Variants in ARID2 observed in about 807,000 individuals in gnomAD.
The protein encoded by ARID2 is AT-rich interactive domain-containing protein 2.
A neutral mutation model predicts 184.6 loss-of-function variants in ARID2; 32 were observed. The observed-to-expected ratio is 0.17, with a 90% CI of 0.13 to 0.23. The LOEUF (loss-of-function observed/expected upper bound fraction) is 0.23. Ranked by LOEUF, ARID2 falls within the 10% of genes least tolerant of loss-of-function variation. The pLI, the probability that ARID2 is intolerant of heterozygous loss-of-function variation, is 1.00. For synonymous variants in ARID2, 836 were observed against 772.6 expected (o/e 1.08, Z -1.36); for missense variants, 1,696 against 2,197.6 (o/e 0.77, Z 4.56).
intron 8 of ARID2, 98 bp from the exon 9 acceptor site, chr12:45,837,223 A>C (rs1266375232): frequency 1.7e-6 from 2 of 1,196,572 alleles, no homozygotes; most frequent in South Asian, 1.6e-5. Flanking sequence ...TTTTAACGTT[A>C]TGCAACATTG....
intron 3 of ARID2, among the ~76,000 whole-genome samples, chr12:45,782,804 A>G (rs1942121174): frequency 6.6e-6 from 1 of 151,998 alleles, no homozygotes; most frequent in Non-Finnish European, 1.5e-5. Context: ...CCTCAGGGAA[A>G]AAAACTTAAG....
intron 3 of ARID2, among the ~76,000 whole-genome samples, chr12:45,783,710 G>A (rs771695124): frequency 2.0e-5 from 3 of 152,184 alleles, no homozygotes; most frequent in East Asian, 3.8e-4. Flanking sequence ...GCGCAGTTTC[G>A]CTGGCTTGCC....
chr12:45,831,072 A>G (rs985351158), intron 6 of ARID2, among the ~76,000 whole-genome samples: 5 of 151,930 alleles, frequency 3.3e-5, no homozygotes, highest in African/African-American at 9.7e-5. Context: ...TTAGAAGAAA[A>G]CACAAATATA....
intron 3 of ARID2, among the ~76,000 whole-genome samples, chr12:45,810,123 G>A (rs1479145409): frequency 1.3e-5 from 2 of 152,188 alleles, no homozygotes; most frequent in African/African-American, 2.4e-5. Context: ...TTTGGTAAAT[G>A]TAAGTCATTA....
Position 45,906,077 on chromosome 12 carries a change from C to T in ARID2, c.*999C>T, listed in dbSNP as rs1592152145. ...GAAGGTATTTTTTGGTTTTCCTTAA[C>T]ATGTATCCACTGTAAACGTTTGTCG... is the stretch of plus-strand genomic sequence containing the variant. On this transcript the variant is annotated 3_prime_UTR_variant, in exon 21 of 21. Coordinates refer to ENST00000334344, the MANE Select transcript of ARID2 (RefSeq NM_152641.4). The T allele has an allele frequency of 8.7e-6, 2 of 229,662 alleles. No homozygotes were observed. The highest frequency in any genetic ancestry group is 1.7e-5 in the Non-Finnish European group (2 of 116,248). 14.2% of individuals were successfully genotyped at this position (229,662 alleles called of 1,614,324 possible). A position where few individuals can be genotyped will look rare whatever the true frequency, so the allele number is the denominator to read the frequency against.
intron 16 of ARID2, among the ~76,000 whole-genome samples, chr12:45,866,870 A>T (rs985044488): frequency 6.6e-6 from 1 of 152,034 alleles, no homozygotes; most frequent in Admixed American, 6.5e-5. Flanking sequence ...TTACATTAAG[A>T]TTTGCTCTTG....
At chr12:45,888,573 A>C (rs1160276570) in intron 16 of ARID2, among the ~76,000 whole-genome samples, 1 of 152,210 alleles carries the variant, frequency 6.6e-6, no homozygotes, top group Non-Finnish European at 1.5e-5. Context: ...AGACGTTACC[A>C]GTACCTCCAC....
In ARID2 at chr12:45,808,038, A is replaced by G. The variant is rs78152149; in HGVS notation, c.285-3380A>G. ...TATGTAATGTACTAGGCAGATTACT[A>G]TAGGAGCTCAGCAAATATTTGTTTG... is the stretch of plus-strand genomic sequence containing the variant. On this transcript the variant is annotated intron_variant, in intron 3 of 20. Transcript: ENST00000334344. 6.0e-3 allele frequency among the ~76,000 whole-genome samples: 921 copies of G among 152,318 alleles called. 16 individuals are homozygous for G. The highest frequency in any genetic ancestry group is 0.021 in the African/African-American group (858 of 41,572).
chr12:45,869,137 A>G (rs545325544), intron 16 of ARID2, among the ~76,000 whole-genome samples: 6 of 151,960 alleles, frequency 3.9e-5, no homozygotes, highest in African/African-American at 1.4e-4. Context: ...CGCCTGCCTC[A>G]GCCTGAGTAG....
At position 45,860,842 on chromosome 12, in the gene ARID2, C is replaced by A; in HGVS notation, c.4815C>A (p.Gly1605=). 6.2e-7 allele frequency: 1 copy of A among 1,607,128 alleles called. No individual in the cohort carries two copies. Among genetic ancestry groups the A allele is most frequent in the South Asian group, 1.1e-5 (1 of 89,606 alleles). ...CTTCACCAGCTGTACAAGTGCAGGG[C>A]CAGCCTAACAGTTCTCAGCCTTCTC... The part of the protein sequence containing the change: ...MPPSPAVQVQ[G]QPNSSQPSPF... The change falls in exon 16 of 21, where the codon GGC becomes GGA. Residue 1605 remains glycine (G), a synonymous_variant. Transcript: ENST00000334344.
At chr12:45,840,009 C>G (rs560335170) in intron 11 of ARID2, 1 of 152,948 alleles carries the variant, frequency 6.5e-6, no homozygotes, top group South Asian at 2.1e-4. Flanking sequence ...ATTTATGCAC[C>G]TTTCCTAGTG....
At chr12:45,793,908 C>T (rs1238362612) in intron 3 of ARID2, among the ~76,000 whole-genome samples, 1 of 150,312 alleles carries the variant, frequency 6.7e-6, no homozygotes, top group Non-Finnish European at 1.5e-5. Context: ...TCTTCTTTTT[C>T]CTCTGACTAC....
chr12:45,866,928 TTTGTTGTTGTTGTTG>T (rs369872664), intron 16 of ARID2, among the ~76,000 whole-genome samples: 167 of 150,162 alleles, frequency 1.1e-3, no homozygotes, highest in African/African-American at 3.9e-3. Context: ...TTTTGTGAAG[TTTGTTGTTGTTGTTG>T]TTGTTGTTGT....
intron 3 of ARID2, among the ~76,000 whole-genome samples, chr12:45,797,964 T>G (rs1942421035): frequency 6.6e-6 from 1 of 152,096 alleles, no homozygotes; most frequent in African/African-American, 2.4e-5. Context: ...GGAAAGTCTC[T>G]ACTATGAGGC....
chr12:45,795,731 T>C (rs963021110), intron 3 of ARID2, among the ~76,000 whole-genome samples: 2 of 152,174 alleles, frequency 1.3e-5, no homozygotes, highest in East Asian at 1.9e-4. Flanking sequence ...CCCCCGCGCC[T>C]GGCCTCTCTG....
intron 3 of ARID2, among the ~76,000 whole-genome samples, chr12:45,734,573 C>CA (rs58142463): frequency 0.03 from 3,371 of 112,346 alleles, 25 homozygotes; most frequent in Middle Eastern, 0.047. Context: ...TATTAAAGTG[C>CA]AAAAAAAAAA....
At chr12:45,801,050 C>A (rs189414740) in intron 3 of ARID2, among the ~76,000 whole-genome samples, 1 of 152,138 alleles carries the variant, frequency 6.6e-6, no homozygotes, top group Non-Finnish European at 1.5e-5. Context: ...TACTTTCTCA[C>A]GCCTGTAATC....
At chr12:45,816,113 TACA>T (rs1229310310) in intron 4 of ARID2, among the ~76,000 whole-genome samples, 1 of 152,196 alleles carries the variant, frequency 6.6e-6, no homozygotes, top group Non-Finnish European at 1.5e-5. Flanking sequence ...TTTCTAAAAA[TACA>T]ACATTTTTTA....
intron 4 of ARID2, among the ~76,000 whole-genome samples, chr12:45,814,345 T>C (rs1010568603): frequency 2.0e-5 from 3 of 152,156 alleles, no homozygotes; most frequent in South Asian, 2.1e-4. Context: ...GTATAAATTT[T>C]GAATCAAGAA....
Sources: gnomAD v4.1 joint callset for allele counts (sites outside exome capture counted in the v4.1 genomes callset) on GRCh38, gnomAD v4.1.1 for gene constraint, MANE v1.5 for transcripts, NCBI Gene and HGNC (gene_info 2026-07-23, HGNC 2026-07-21) for gene names.